The following DOCK2 variants were observed in gnomAD, a reference collection of about 807,000 sequenced individuals.
The protein encoded by DOCK2 is dedicator of cytokinesis 2, also known as dedicator of cytokinesis protein 2.
In DOCK2, 87 loss-of-function variants were observed where a neutral mutation model predicts 248.9. The ratio of observed to expected loss-of-function variants is 0.35; its 90% CI spans 0.29 to 0.42. The LOEUF (loss-of-function observed/expected upper bound fraction) is 0.42. DOCK2 is among the 10% of genes least tolerant of loss of function. The pLI, the probability that DOCK2 is intolerant of heterozygous loss-of-function variation, is 1.00. For synonymous variants in DOCK2, 805 were observed against 821.6 expected (o/e 0.98, Z 0.35); for missense variants, 1,747 against 2,300.2 (o/e 0.76, Z 4.92).
chr5:169,944,652 C>T (rs1398912498), intron 27 of DOCK2, among the ~76,000 whole-genome samples: 1 of 152,200 alleles, frequency 6.6e-6, no homozygotes, highest in African/African-American at 2.4e-5. Flanking sequence ...CCCCACTTCA[C>T]AATGATTGGG....
chr5:169,638,365 C>T (rs1756959174), intron 1 of DOCK2, among the ~76,000 whole-genome samples: 1 of 152,088 alleles, frequency 6.6e-6, no homozygotes, highest in African/African-American at 2.4e-5. Context: ...GGTCCCCATC[C>T]AGAGAACAAA....
chr5:169,685,156 T>C (rs1266436548), intron 8 of DOCK2, among the ~76,000 whole-genome samples: 1 of 152,212 alleles, frequency 6.6e-6, no homozygotes, highest in African/African-American at 2.4e-5. Flanking sequence ...ACAGGGTCAT[T>C]TGCTTCAGGC....
intron 27 of DOCK2, among the ~76,000 whole-genome samples, chr5:169,892,068 T>C (rs991680237): frequency 1.3e-5 from 2 of 151,584 alleles, no homozygotes; most frequent in Non-Finnish European, 2.9e-5. Flanking sequence ...ACTTTAGACC[T>C]TGGGGAGAAT....
chr5:169,949,891 T>C (rs985253846), intron 27 of DOCK2, among the ~76,000 whole-genome samples: 2 of 152,042 alleles, frequency 1.3e-5, no homozygotes, highest in Non-Finnish European at 2.9e-5. Context: ...ACATACGTGC[T>C]CATATCAGTT....
chr5:169,864,427 C>G, intron 27 of DOCK2: 1 of 1,547,680 alleles, frequency 6.5e-7, no homozygotes, highest in Non-Finnish European at 8.7e-7. Flanking sequence ...TTCATGGAAC[C>G]TGCCTTCCTG....
chr5:169,759,194 G>A (rs930270251), intron 23 of DOCK2, among the ~76,000 whole-genome samples: 2 of 152,162 alleles, frequency 1.3e-5, no homozygotes, highest in African/African-American at 4.8e-5. Flanking sequence ...GCCAGGGAGA[G>A]GAAATATGAA....
At chr5:169,656,711 A>G (rs1382778562) in intron 2 of DOCK2, among the ~76,000 whole-genome samples, 1 of 152,190 alleles carries the variant, frequency 6.6e-6, no homozygotes, top group African/African-American at 2.4e-5. Flanking sequence ...TGTGTCCTAC[A>G]TTGTGAAATC....
intron 26 of DOCK2, among the ~76,000 whole-genome samples, chr5:169,830,561 A>C (rs1769158150): frequency 6.6e-6 from 1 of 152,222 alleles, no homozygotes; most frequent in African/African-American, 2.4e-5. Flanking sequence ...GCACATCTTC[A>C]TAAGTGTCTC....
chr5:169,881,183 A>G (rs756671711), intron 27 of DOCK2, among the ~76,000 whole-genome samples: 2 of 152,220 alleles, frequency 1.3e-5, no homozygotes, highest in Admixed American at 1.3e-4. Flanking sequence ...TCAAAAGGGT[A>G]TGCTCATAGA....
intron 29 of DOCK2, among the ~76,000 whole-genome samples, chr5:169,989,767 T>A (rs1014129169): frequency 2.2e-4 from 33 of 152,254 alleles, no homozygotes; most frequent in African/African-American, 7.7e-4. Context: ...ACAAGGATAT[T>A]TGTGGGAACT....
intron 27 of DOCK2, among the ~76,000 whole-genome samples, chr5:169,959,247 G>T (rs1350881567): frequency 6.6e-6 from 1 of 151,980 alleles, no homozygotes; most frequent in Non-Finnish European, 1.5e-5. Context: ...AAAAAAAATA[G>T]CTGGGCGTGG....
At chr5:169,825,001 C>CA (rs1190253638) in intron 26 of DOCK2, among the ~76,000 whole-genome samples, 1 of 151,970 alleles carries the variant, frequency 6.6e-6, no homozygotes, top group Admixed American at 6.5e-5. Context: ...TTTATGCAGC[C>CA]AAAAAACACA....
intron 27 of DOCK2, among the ~76,000 whole-genome samples, chr5:169,936,599 T>TTTA (rs1436303619): frequency 7.6e-6 from 1 of 130,786 alleles, no homozygotes; most frequent in African/African-American, 3.0e-5. Context: ...TTTTTTTTTT[T>TTTA]ATGAATTAGC....
At chr5:169,958,474 A>G (rs1282522795) in intron 27 of DOCK2, among the ~76,000 whole-genome samples, 1 of 152,124 alleles carries the variant, frequency 6.6e-6, no homozygotes, top group Non-Finnish European at 1.5e-5. Flanking sequence ...GTGCATATTT[A>G]AATTACAGCT....
intron 2 of DOCK2, among the ~76,000 whole-genome samples, chr5:169,663,129 T>A (rs1758535788): frequency 6.6e-6 from 1 of 152,256 alleles, no homozygotes; most frequent in Non-Finnish European, 1.5e-5. Flanking sequence ...ACAGGCCTCA[T>A]GCAAGTCCAA....
chr5:169,997,839 C>T (rs904379138), intron 30 of DOCK2: 7 of 436,228 alleles, frequency 1.6e-5, no homozygotes, highest in African/African-American at 1.2e-4. Flanking sequence ...CCCACACTTG[C>T]TCATCTAAGT....
intron 27 of DOCK2, among the ~76,000 whole-genome samples, chr5:169,870,573 TTC>T (rs1771892561): frequency 6.6e-6 from 1 of 152,112 alleles, no homozygotes; most frequent in Non-Finnish European, 1.5e-5. Flanking sequence ...GTGGGTTTTT[TTC>T]TTCTTTTTTT....
chr5:169,721,258 C>T (rs1762187767), intron 22 of DOCK2, among the ~76,000 whole-genome samples: 1 of 152,204 alleles, frequency 6.6e-6, no homozygotes, highest in African/African-American at 2.4e-5. Flanking sequence ...AGAATAGCAG[C>T]ACATCACTGA....
chr5:169,760,076 G>A (rs1293564147), intron 24 of DOCK2, among the ~76,000 whole-genome samples: 2 of 152,074 alleles, frequency 1.3e-5, no homozygotes, highest in Admixed American at 1.3e-4. Context: ...GGGCCTGAAG[G>A]TTATTTTGGG....
Sources: gnomAD v4.1 joint callset for allele counts (sites outside exome capture counted in the v4.1 genomes callset) on GRCh38, gnomAD v4.1.1 for gene constraint, MANE v1.5 for transcripts, NCBI Gene and HGNC (gene_info 2026-07-23, HGNC 2026-07-21) for gene names.